KCMF1: variants seen among roughly 807,000 people sequenced by gnomAD.
KCMF1 encodes E3 ubiquitin-protein ligase KCMF1.
A neutral mutation model predicts 41.1 loss-of-function variants in KCMF1; 3 were observed. That is an observed-to-expected ratio of 0.07 (90% CI 0.03 to 0.19). The LOEUF (loss-of-function observed/expected upper bound fraction) is 0.19, where lower values mean the gene tolerates loss of function less well. Ranked by LOEUF, KCMF1 falls within the 10% of genes least tolerant of loss-of-function variation. The pLI is 1.00. For synonymous variants in KCMF1, 142 were observed against 164.5 expected (o/e 0.86, Z 1.04); for missense variants, 286 against 488.9 (o/e 0.58, Z 3.91).
chr2:85,049,869 GCTCACACCTGTAATCCCAGCAC>G (rs1253972854), intron 6 of KCMF1, among the ~76,000 whole-genome samples: 2 of 152,076 alleles, frequency 1.3e-5, no homozygotes, highest in East Asian at 1.9e-4. Context: ...AGACCCAGTG[GCTCACACCTGTAATCCCAGCAC>G]CTCACACCTG....
intron 5 of KCMF1, among the ~76,000 whole-genome samples, chr2:85,047,685 A>T (rs1675706523): frequency 6.6e-6 from 1 of 152,138 alleles, no homozygotes; most frequent in Non-Finnish European, 1.5e-5. Context: ...AGCAGAACAC[A>T]GGGTCAAAAT....
intron 1 of KCMF1, among the ~76,000 whole-genome samples, chr2:84,986,962 G>T (rs891162248): frequency 6.6e-6 from 1 of 152,116 alleles, no homozygotes; most frequent in African/African-American, 2.4e-5. Context: ...TTTAGACTTG[G>T]GTTCAATGCT....
At chr2:84,994,057 C>T (rs1674115273) in intron 1 of KCMF1, among the ~76,000 whole-genome samples, 1 of 151,896 alleles carries the variant, frequency 6.6e-6, no homozygotes, top group South Asian at 2.1e-4. Context: ...ACGCCATTCT[C>T]CTGTCTCAGC....
At chr2:84,998,671 C>T (rs1380221644) in intron 1 of KCMF1, among the ~76,000 whole-genome samples, 4 of 149,078 alleles carry the variant, frequency 2.7e-5, no homozygotes, top group Non-Finnish European at 4.5e-5. Context: ...TACGTGATCC[C>T]GGTTCACTGC....
intron 1 of KCMF1, among the ~76,000 whole-genome samples, chr2:85,008,399 A>ATATATGATATATATTC (rs1674565172): frequency 2.0e-5 from 1 of 50,540 alleles, no homozygotes; most frequent in African/African-American, 5.2e-5. Flanking sequence ...GATATATATT[A>ATATATGATATATATTC]TATATCATAT....
intron 1 of KCMF1, among the ~76,000 whole-genome samples, chr2:84,982,068 C>A (rs1424814637): frequency 2.6e-5 from 4 of 152,172 alleles, no homozygotes; most frequent in Non-Finnish European, 5.9e-5. Context: ...CAGGCGTGAG[C>A]CACTGTGCCT....
chr2:84,982,257 T>A (rs1673778723), intron 1 of KCMF1, among the ~76,000 whole-genome samples: 1 of 152,156 alleles, frequency 6.6e-6, no homozygotes, highest in South Asian at 2.1e-4. Flanking sequence ...ACCAGTATTC[T>A]CCTTTGGTGT....
chr2:85,019,768 A>G (rs1674884025), intron 1 of KCMF1, among the ~76,000 whole-genome samples: 1 of 151,828 alleles, frequency 6.6e-6, no homozygotes, highest in Non-Finnish European at 1.5e-5. Flanking sequence ...GTGTATATAT[A>G]CATATACGTG....
chr2:85,005,516 C>T (rs1343081274), intron 1 of KCMF1, among the ~76,000 whole-genome samples: 1 of 151,864 alleles, frequency 6.6e-6, no homozygotes, highest in African/African-American at 2.4e-5. Context: ...TCTCGAACTC[C>T]TGACCTCAGA....
At chr2:85,042,375 A>G (rs1675560336) in intron 3 of KCMF1, among the ~76,000 whole-genome samples, 1 of 152,168 alleles carries the variant, frequency 6.6e-6, no homozygotes, top group Non-Finnish European at 1.5e-5. Flanking sequence ...TCCGTACCCC[A>G]GGATTGTCCT....
intron 1 of KCMF1, among the ~76,000 whole-genome samples, chr2:85,011,226 T>C (rs1674645503): frequency 6.6e-6 from 1 of 152,222 alleles, no homozygotes; most frequent in South Asian, 2.1e-4. Flanking sequence ...TTCTGTGTAC[T>C]TTTGATATGT....
intron 1 of KCMF1, chr2:84,971,888 G>C (rs1262641266): frequency 3.3e-5 from 5 of 151,888 alleles, no homozygotes; most frequent in African/African-American, 1.2e-4. Context: ...GCAGAGCCGG[G>C]CCGCGGGCGG....
chr2:84,999,183 C>T (rs1674268316), intron 1 of KCMF1, among the ~76,000 whole-genome samples: 2 of 151,998 alleles, frequency 1.3e-5, no homozygotes, highest in South Asian at 4.1e-4. Context: ...CAGAGTCTTG[C>T]TCTGTCGCCC....
At chr2:85,019,541 T>C (rs1674875280) in intron 1 of KCMF1, among the ~76,000 whole-genome samples, 1 of 152,168 alleles carries the variant, frequency 6.6e-6, no homozygotes, top group South Asian at 2.1e-4. Context: ...GAAAGGATGA[T>C]AGCAGGCTAT....
intron 2 of KCMF1, among the ~76,000 whole-genome samples, chr2:85,033,244 A>G (rs547760239): frequency 5.3e-5 from 8 of 152,194 alleles, no homozygotes; most frequent in African/African-American, 1.7e-4. Flanking sequence ...ACTTTCTTCC[A>G]TTTTCTTTTC....
intron 1 of KCMF1, among the ~76,000 whole-genome samples, chr2:85,027,645 A>G (rs371390889): frequency 6.6e-6 from 1 of 152,078 alleles, no homozygotes; most frequent in African/African-American, 2.4e-5. Flanking sequence ...CAAAGTGCTC[A>G]GATTACAGGC....
chr2:85,028,051 AT>A lies in KCMF1; in HGVS notation c.183del (p.Phe61LeufsTer12). ...ATGCAGTGCATATTAACAAGGGTAG[AT>A]TTTGGTAAGTAATTAAAAATTTAAT... ...HPMQCILTRV[D>X]FDLYYGGEAF... On this transcript the variant is annotated frameshift_variant, in exon 2 of 7. Coordinates refer to ENST00000409785, the MANE Select transcript of KCMF1 (RefSeq NM_020122.5). LOFTEE classifies it high-confidence loss of function. 1.3e-6 allele frequency: 2 copies of A among 1,567,940 alleles called. No individual in the cohort carries two copies. The highest frequency in any genetic ancestry group is 1.7e-6 in the Non-Finnish European group (2 of 1,160,302).
At chr2:85,038,607 T>C (rs1279080189) in intron 3 of KCMF1, among the ~76,000 whole-genome samples, 1 of 152,246 alleles carries the variant, frequency 6.6e-6, no homozygotes, top group Non-Finnish European at 1.5e-5. Flanking sequence ...TTTCTTCTTC[T>C]TCTTCTTCTT....
At chr2:85,047,764 G>A (rs1460968329) in intron 5 of KCMF1, among the ~76,000 whole-genome samples, 4 of 152,058 alleles carry the variant, frequency 2.6e-5, no homozygotes, top group Non-Finnish European at 5.9e-5. Context: ...GTAAGACAGT[G>A]GGAAGTGTGC....
Sources: gnomAD v4.1 joint callset for allele counts (sites outside exome capture counted in the v4.1 genomes callset) on GRCh38, gnomAD v4.1.1 for gene constraint, MANE v1.5 for transcripts, NCBI Gene and HGNC (gene_info 2026-07-23, HGNC 2026-07-21) for gene names.